CCNJ: variants seen among roughly 807,000 people sequenced by gnomAD.
The protein encoded by CCNJ is cyclin-J.
A neutral mutation model predicts 41.4 loss-of-function variants in CCNJ; 12 were observed. That is an observed-to-expected ratio of 0.29 (90% confidence interval 0.19 to 0.47). CCNJ has a LOEUF of 0.47. Among genes scored for constraint, CCNJ ranks in the 20% least tolerant of loss-of-function variants. The pLI is 1.00. For missense variants in CCNJ, 340 were observed against 464.6 expected, an observed-to-expected ratio of 0.73 and a Z score of 2.47; for synonymous variants, 161 against 173.4, an observed-to-expected ratio of 0.93 and a Z score of 0.56.
rs2080488324 is a variant in CCNJ at position 96,050,353 on chromosome 10, T to A, written c.167T>A (p.Leu56His). 1 of 1,614,088 alleles carries A rather than the reference T, an allele frequency of 6.2e-7. No individual in the cohort carries two copies. Among genetic ancestry groups the A allele is most frequent in the Non-Finnish European group, 8.5e-7 (1 of 1,179,944 alleles). ...GCCATTGTGAGCAATCGCTTCACAC[T>A]CTGCCCTTCTGCCCGCCATCTTGCT... ...LIAIVSNRFT[L>H]CPSARHLAVY... The change falls in exon 3 of 6, where the codon CTC (leucine) becomes CAC (histidine). Residue 56 changes from leucine to histidine, a missense_variant. Physicochemically the swap from Leu to His is moderately conservative, Grantham distance 99 (BLOSUM62 -3). Around this residue, in one of 3 missense-constraint regions of CCNJ, gnomAD observed 137 missense variants for 252.9 expected, o/e 0.54. Transcript: ENST00000465148.
rs1472918112 is a variant in CCNJ at position 96,060,563 on chromosome 10, G to A, written c.*2322G>A. The A allele has an allele frequency of 6.6e-6, 1 of 152,216 alleles. No homozygotes were observed. Among genetic ancestry groups the A allele is most frequent in the Non-Finnish European group, 1.5e-5 (1 of 67,988 alleles). 9.4% of individuals were successfully genotyped at this position (152,216 alleles called of 1,614,324 possible). A position where few individuals can be genotyped will look rare whatever the true frequency, so the allele number is the denominator to read the frequency against. ...ATACAACTCACAACTGCTAGCTTTG[G>A]GGGGTGGGGGAACATTGTGTGGGTT... On this transcript the variant is annotated 3_prime_UTR_variant, in exon 6 of 6. Transcript: ENST00000465148.
At position 96,044,465 on chromosome 10, in the gene CCNJ, A is replaced by G; in HGVS notation, c.69+3A>G. On this transcript the variant is annotated splice_donor_region_variant and intron_variant, in intron 2 of 5. Transcript: ENST00000465148. Reference sequence around the variant, plus strand: ...TTCACCAAGCGCTTCGCTACAAGGTAACTCCGAGGCCCGGCCTGCCTTCTC... The same window carrying G: ...TTCACCAAGCGCTTCGCTACAAGGTGACTCCGAGGCCCGGCCTGCCTTCTC... 1 of 1,538,588 alleles carries G rather than the reference A, an allele frequency of 6.5e-7. No individual in the cohort carries two copies. Among genetic ancestry groups the G allele is most frequent in the Non-Finnish European group, 8.8e-7 (1 of 1,135,894 alleles).
Position 96,058,968 on chromosome 10 carries a change from T to C in CCNJ, c.*727T>C, listed in dbSNP as rs1270446876. On this transcript the variant is annotated 3_prime_UTR_variant, in exon 6 of 6. Transcript: ENST00000465148. ...AAATACATTTAACTCAGGGAATTTG[T>C]ACTACTTGGAAACACTTAACTGTAA... The C allele has an allele frequency of 1.3e-5, 2 of 153,126 alleles. No individual in the cohort carries two copies. Among genetic ancestry groups the C allele is most frequent in the East Asian group, 3.8e-4 (2 of 5,202 alleles). The allele number at this position is 153,126 out of a possible 1,614,324, so 9.5% of individuals were successfully genotyped here.
At chr10:96,044,912 A>G (rs1035333107) in intron 2 of CCNJ, among the ~76,000 whole-genome samples, 9 of 152,244 alleles carry the variant, frequency 5.9e-5, no homozygotes, top group African/African-American at 2.2e-4. Context: ...TGATTTCCTC[A>G]TCTGTAAAAT....
chr10:96,047,483 C>A (rs2080396623), intron 2 of CCNJ, among the ~76,000 whole-genome samples: 2 of 152,070 alleles, frequency 1.3e-5, no homozygotes. Context: ...CCCTGTTGTA[C>A]AGAAACTAAC....
At position 96,047,843 on chromosome 10, in the gene CCNJ, G is replaced by A. The variant is rs11188573; in HGVS notation, c.70-2413G>A. Among the ~76,000 whole-genome samples, 334 of 152,176 alleles carry A rather than the reference G, an allele frequency of 2.2e-3. 1 individual carries two copies. Among genetic ancestry groups the A allele is most frequent in the African/African-American group, 7.8e-3 (325 of 41,490 alleles). Reference sequence around the variant, plus strand: ...GTGCAGGTTTGTTACATAGGTAAACGTTTGCCATGGTGGCTTACTGCACAG... The same window carrying A: ...GTGCAGGTTTGTTACATAGGTAAACATTTGCCATGGTGGCTTACTGCACAG... On this transcript the variant is annotated intron_variant, in intron 2 of 5. Transcript: ENST00000465148.
rs200516549 is a variant in CCNJ, at chr10:96,050,258, G to A, written c.72G>A (p.Glu24=). Residue 24 remains glutamate (E), a splice_region_variant and synonymous_variant, in exon 3 of 6, where the codon GAG becomes GAA. Coordinates refer to ENST00000465148, the MANE Select transcript of CCNJ (RefSeq NM_001134375.2). ...AAATGTTGTTCCTTTTGACTTAGGA[G>A]CTGAAGTTGCCCTCCTATAAAGGCC... ...ADIHQALRYK[E]LKLPSYKGQS... is the part of the protein sequence containing the mutation. 2.3e-5 allele frequency: 37 copies of A among 1,611,768 alleles called. No homozygotes were observed. The highest frequency in any genetic ancestry group is 3.1e-5 in the Non-Finnish European group (36 of 1,177,992).
intron 3 of CCNJ, among the ~76,000 whole-genome samples, chr10:96,052,252 T>TAA (rs1332939709): frequency 1.3e-5 from 2 of 152,216 alleles, no homozygotes. Flanking sequence ...ATAGTTTGTA[T>TAA]AAGATTGGAA....
chr10:96,044,491 C>T (rs2080305435), intron 2 of CCNJ, 29 bp downstream of exon 2: 2 of 1,452,872 alleles, frequency 1.4e-6, no homozygotes, highest in Non-Finnish European at 9.2e-7. Context: ...CTGCCTTCTC[C>T]TTCTGTGTGT....
At chr10:96,053,675 G>A (rs2080595492) in intron 3 of CCNJ, among the ~76,000 whole-genome samples, 1 of 152,164 alleles carries the variant, frequency 6.6e-6, no homozygotes, top group Admixed American at 6.5e-5. Flanking sequence ...TTGGAGTCAA[G>A]ACAAAGTGAA....
At chr10:96,045,996 T>A (rs1360482124) in intron 2 of CCNJ, among the ~76,000 whole-genome samples, 1 of 152,244 alleles carries the variant, frequency 6.6e-6, no homozygotes, top group East Asian at 1.9e-4. Context: ...TTCCATACTT[T>A]TCAATCATTT....
At chr10:96,047,388 T>C (rs903504730) in intron 2 of CCNJ, among the ~76,000 whole-genome samples, 1 of 152,204 alleles carries the variant, frequency 6.6e-6, no homozygotes, top group Non-Finnish European at 1.5e-5. Flanking sequence ...GGCTCACACC[T>C]GTAATCTCAA....
chr10:96,048,184 T>C (rs1324213608), intron 2 of CCNJ, among the ~76,000 whole-genome samples: 2 of 152,228 alleles, frequency 1.3e-5, no homozygotes, highest in Non-Finnish European at 2.9e-5. Flanking sequence ...CAGTCTATCA[T>C]TGATGGGCAT....
In CCNJ at chr10:96,048,404, G is replaced by T. The variant is rs142236840; in HGVS notation, c.70-1852G>T. Among the ~76,000 whole-genome samples the T allele has an allele frequency of 7.8e-3, 1,194 of 152,270 alleles. 16 individuals carry two copies. The highest frequency in any genetic ancestry group is 0.026 in the African/African-American group (1,075 of 41,552). On this transcript the variant is annotated intron_variant, in intron 2 of 5. Transcript: ENST00000465148. ...GAACTAATTTACACTCCCACCAACAGTGTAAAAGCGTTCCTTTTTCTCCAC... is the reference window on the plus strand; with the variant it reads ...GAACTAATTTACACTCCCACCAACATTGTAAAAGCGTTCCTTTTTCTCCAC...
Position 96,056,832 on chromosome 10 carries a change from T to G in CCNJ, c.412T>G (p.Phe138Val), listed in dbSNP as rs1423988448. The change falls in exon 4 of 6, where the codon TTT becomes GTT. Residue 138 changes from phenylalanine to valine, a missense_variant. Transcript: ENST00000465148. ...TATGGAACTATTATTATTAGAAACC[T>G]TTCAGTGGAACCTCTGCCTTCCAAC... ...LHMELLLLET[F>V]QWNLCLPTAA... 1.9e-6 allele frequency: 3 copies of G among 1,614,072 alleles called. No homozygotes were observed. The African/African-American group carries it at 4.0e-5, about 22-fold the overall frequency.
intron 3 of CCNJ, among the ~76,000 whole-genome samples, chr10:96,054,917 T>C (rs997259351): frequency 6.6e-6 from 1 of 152,228 alleles, no homozygotes; most frequent in Non-Finnish European, 1.5e-5. Context: ...AGTATTGCTG[T>C]TGCTTCACAA....
At position 96,058,976 on chromosome 10, in the gene CCNJ, G is replaced by C. The variant is rs538974494; in HGVS notation, c.*735G>C. ...TTAACTCAGGGAATTTGTACTACTT[G>C]GAAACACTTAACTGTAATGCAACAT... On this transcript the variant is annotated 3_prime_UTR_variant, in exon 6 of 6. Transcript: ENST00000465148. 6.5e-6 allele frequency: 1 copy of C among 152,832 alleles called. No homozygotes were observed. The highest frequency in any genetic ancestry group is 1.5e-5 in the Non-Finnish European group (1 of 68,276). The allele number at this position is 152,832 out of a possible 1,614,324, so 9.5% of individuals were successfully genotyped here. A position where few individuals can be genotyped will look rare whatever the true frequency, so the allele number is the denominator to read the frequency against.
chr10:96,046,031 G>A (rs984750571), intron 2 of CCNJ, among the ~76,000 whole-genome samples: 3 of 150,918 alleles, frequency 2.0e-5, no homozygotes, highest in African/African-American at 4.9e-5. Flanking sequence ...TTTAATTCGT[G>A]AGTGATTATC....
At chr10:96,046,479 C>T (rs1424836589) in intron 2 of CCNJ, among the ~76,000 whole-genome samples, 3 of 152,202 alleles carry the variant, frequency 2.0e-5, no homozygotes, top group African/African-American at 7.2e-5. Context: ...GGATAGTCAT[C>T]TGTTTTTCTT....
Sources: gnomAD v4.1 joint callset for allele counts (sites outside exome capture counted in the v4.1 genomes callset) on GRCh38, gnomAD v4.1.1 for gene constraint, gnomAD v4.1.1 regional missense constraint, MANE v1.5 for transcripts, NCBI Gene and HGNC (gene_info 2026-07-23, HGNC 2026-07-21) for gene names.